CSMD3: variants seen among roughly 807,000 people sequenced by gnomAD.
The protein encoded by CSMD3 is CUB and Sushi multiple domains 3.
Under a neutral mutation model 435.2 loss-of-function variants are expected in CSMD3, and 177 were observed. The observed-to-expected ratio is 0.41, with a 90% CI of 0.36 to 0.46. CSMD3 has a LOEUF of 0.46. CSMD3 is among the 20% of genes least tolerant of loss of function. The pLI is 0.34. For synonymous variants in CSMD3, 1,656 were observed against 1,520.5 expected (o/e 1.09, Z -2.07); for missense variants, 4,265 against 4,504.6 (o/e 0.95, Z 1.52).
intron 35 of CSMD3, among the ~76,000 whole-genome samples, chr8:112,392,986 C>T (rs576518796): frequency 3.9e-4 from 59 of 151,752 alleles, no homozygotes; most frequent in African/African-American, 1.4e-3. Context: ...CCACCTCAGC[C>T]TACAGAGTAG....
intron 38 of CSMD3, among the ~76,000 whole-genome samples, chr8:112,369,864 G>T (rs1828155181): frequency 1.3e-5 from 2 of 150,656 alleles, no homozygotes; most frequent in Non-Finnish European, 3.0e-5. Flanking sequence ...ATGTATCCCA[G>T]AACTTAAAGT....
intron 5 of CSMD3, among the ~76,000 whole-genome samples, chr8:113,082,926 T>C (rs1429155301): frequency 6.6e-6 from 1 of 152,040 alleles, no homozygotes; most frequent in Non-Finnish European, 1.5e-5. Context: ...AGAAAATGAA[T>C]AAAGCCTACA....
chr8:113,325,243 G>A (rs556575747), intron 1 of CSMD3, among the ~76,000 whole-genome samples: 1 of 152,104 alleles, frequency 6.6e-6, no homozygotes, highest in South Asian at 2.1e-4. Context: ...GGAGGGGCCA[G>A]GGGCAGAAAA....
chr8:112,290,410 G>A (rs1819648852), intron 56 of CSMD3, among the ~76,000 whole-genome samples: 1 of 151,964 alleles, frequency 6.6e-6, no homozygotes, highest in African/African-American at 2.4e-5. Flanking sequence ...CAAGTCCTAT[G>A]AAGAGATTTT....
chr8:112,606,922 G>A (rs1323719922), intron 22 of CSMD3, among the ~76,000 whole-genome samples: 1 of 121,838 alleles, frequency 8.2e-6, no homozygotes, highest in South Asian at 2.6e-4. Flanking sequence ...GCTGCATGAA[G>A]AAAATAGAAA....
chr8:113,200,870 T>A (rs1308948614), intron 3 of CSMD3, among the ~76,000 whole-genome samples: 1 of 151,840 alleles, frequency 6.6e-6, no homozygotes. Flanking sequence ...ATTTCTTCTG[T>A]ATAGAGGTTA....
chr8:112,870,495 C>T lies in CSMD3; in HGVS notation c.1634-11229G>A, dbSNP rs10955636. On this transcript the variant is annotated intron_variant, in intron 10 of 70. Transcript: ENST00000297405. Reference sequence around the variant, plus strand: ...GTTTCACAGTGTTAGCCAGGATGGTCTCGATCTTCTGACCTTGTGATCCAC... The same window carrying T: ...GTTTCACAGTGTTAGCCAGGATGGTTTCGATCTTCTGACCTTGTGATCCAC... Among the ~76,000 whole-genome samples the T allele has an allele frequency of 1.1e-3, 162 of 151,362 alleles. 1 individual carries two copies. In the East Asian group the frequency reaches 0.029, roughly 27 times the overall value.
At position 112,751,300 on chromosome 8, in the gene CSMD3, T is replaced by G. The variant is rs560286245; in HGVS notation, c.1972+48862A>C. On this transcript the variant is annotated intron_variant, in intron 13 of 70. Transcript: ENST00000297405. ...ACAATTCCTCTGACATCCTACAACC[T>G]AAAGAATGTATGAAAAGGATAACCA... is the stretch of plus-strand genomic sequence containing the variant. 5.3e-5 allele frequency among the ~76,000 whole-genome samples: 8 copies of G among 152,044 alleles called. No individual in the cohort carries two copies. The South Asian group carries it at 1.7e-3, about 32-fold the overall frequency.
intron 1 of CSMD3, among the ~76,000 whole-genome samples, chr8:113,354,404 C>G (rs756617216): frequency 6.6e-6 from 1 of 151,906 alleles, no homozygotes; most frequent in African/African-American, 2.4e-5. Flanking sequence ...AAAGGAAGAA[C>G]GTTTGAGGTA....
intron 38 of CSMD3, among the ~76,000 whole-genome samples, chr8:112,357,860 A>C (rs1826789210): frequency 6.6e-6 from 1 of 152,160 alleles, no homozygotes; most frequent in South Asian, 2.1e-4. Context: ...GTGGAAGGGA[A>C]ATGTGGGGTT....
chr8:112,746,948 T>G (rs1003972697), intron 13 of CSMD3, among the ~76,000 whole-genome samples: 1 of 152,092 alleles, frequency 6.6e-6, no homozygotes, highest in Non-Finnish European at 1.5e-5. Flanking sequence ...ATGTAGACAT[T>G]CTACCCAAGA....
At chr8:112,712,425 C>T (rs1416290582) in intron 13 of CSMD3, among the ~76,000 whole-genome samples, 1 of 152,130 alleles carries the variant, frequency 6.6e-6, no homozygotes, top group Admixed American at 6.6e-5. Context: ...TACTCACCTA[C>T]TCCTGTTCCT....
intron 5 of CSMD3, among the ~76,000 whole-genome samples, chr8:113,063,612 A>C (rs955968925): frequency 2.0e-5 from 3 of 151,902 alleles, no homozygotes; most frequent in Admixed American, 6.6e-5. Flanking sequence ...TTTAGTTGTT[A>C]GTTACCCGCT....
At position 113,286,937 on chromosome 8, in the gene CSMD3, G is replaced by A. The variant is rs145647245; in HGVS notation, c.402-8233C>T. Among the ~76,000 whole-genome samples, 21 of 151,844 alleles carry A rather than the reference G, an allele frequency of 1.4e-4. No homozygotes were observed. In the East Asian group the frequency reaches 3.5e-3, roughly 25 times the overall value. ...GGAGAGAGGACGAGGAGTAAAGAAT[G>A]ACTGATGAAGAAAGAAATAGGAAGA... On this transcript the variant is annotated intron_variant, in intron 2 of 70. Coordinates refer to ENST00000297405, the MANE Select transcript of CSMD3 (RefSeq NM_198123.2).
chr8:112,302,976 C>CT (rs1821083942), intron 52 of CSMD3, among the ~76,000 whole-genome samples: 1 of 151,744 alleles, frequency 6.6e-6, no homozygotes, highest in African/African-American at 2.4e-5. Flanking sequence ...TCCTAAATTC[C>CT]TTGCCATTCC....
intron 11 of CSMD3, among the ~76,000 whole-genome samples, chr8:112,852,233 T>C (rs1301064859): frequency 6.6e-6 from 1 of 152,078 alleles, no homozygotes; most frequent in Non-Finnish European, 1.5e-5. Flanking sequence ...TAAAAATAAA[T>C]CCCAAACTTA....
chr8:112,552,480 G>T, intron 26 of CSMD3, 114 bp downstream of exon 26: 1 of 1,071,684 alleles, frequency 9.3e-7, no homozygotes, highest in Non-Finnish European at 1.3e-6. Flanking sequence ...GCAAGACTCT[G>T]CCTCAAGAAA....
chr8:113,164,846 T>C (rs867621394), intron 4 of CSMD3, among the ~76,000 whole-genome samples: 4 of 152,270 alleles, frequency 2.6e-5, no homozygotes, highest in African/African-American at 7.2e-5. Flanking sequence ...CCTATTACTA[T>C]GCTTTCTTAG....
intron 1 of CSMD3, among the ~76,000 whole-genome samples, chr8:113,370,916 C>T (rs1299587795): frequency 6.6e-6 from 1 of 151,998 alleles, no homozygotes; most frequent in Non-Finnish European, 1.5e-5. Context: ...AACAAATTAT[C>T]TTTATTCTAG....
Sources: allele counts gnomAD v4.1 joint callset (sites outside exome capture counted in the v4.1 genomes callset), GRCh38; gene constraint gnomAD v4.1.1; transcripts MANE v1.5; gene names NCBI Gene and HGNC (gene_info 2026-07-23, HGNC 2026-07-21).